The following ABCC9 variants were observed in gnomAD, a reference collection of about 807,000 sequenced individuals.
ABCC9 encodes the protein ATP binding cassette subfamily C member 9, also known as ATP-binding cassette sub-family C member 9.
Under a neutral mutation model 188.3 loss-of-function variants are expected in ABCC9, and 95 were observed. The observed-to-expected ratio is 0.50, with a 90% CI of 0.43 to 0.60. The LOEUF (loss-of-function observed/expected upper bound fraction) is 0.60. ABCC9 is among the 20% of genes least tolerant of loss of function. The pLI, the probability that ABCC9 is intolerant of heterozygous loss-of-function variation, is 0.00. For missense variants in ABCC9, 1,102 were observed against 1,876.3 expected (o/e 0.59, Z 7.62); for synonymous variants, 659 against 652.7 (o/e 1.01, Z -0.15).
At chr12:21,936,914 T>C (rs1949511553) in intron 2 of ABCC9, among the ~76,000 whole-genome samples, 6 of 152,108 alleles carry the variant, frequency 3.9e-5, no homozygotes, top group Admixed American at 3.9e-4. Flanking sequence ...CAGAGAAAAA[T>C]GCTTTCATGT....
intron 30 of ABCC9, chr12:21,831,327 T>A (rs1292436456): frequency 2.0e-5 from 3 of 152,124 alleles, no homozygotes; most frequent in Non-Finnish European, 2.9e-5. Flanking sequence ...TTGTACTTGC[T>A]AGGTACATGT....
At chr12:21,838,266 T>G (rs1944205860) in intron 29 of ABCC9, 96 bp from the exon 30 acceptor site, 8 of 977,452 alleles carry the variant, frequency 8.2e-6, no homozygotes, top group Non-Finnish European at 1.3e-5. Context: ...GTCACTGTAT[T>G]TGTTTTCCTC....
chr12:21,863,660 C>T (rs1945639496), intron 19 of ABCC9, among the ~76,000 whole-genome samples: 1 of 152,066 alleles, frequency 6.6e-6, no homozygotes. Context: ...ACTACCTCCC[C>T]CCTTTTGACT....
At chr12:21,803,446 A>G (rs886465789) in intron 39 of ABCC9, among the ~76,000 whole-genome samples, 1 of 152,008 alleles carries the variant, frequency 6.6e-6, no homozygotes, top group African/African-American at 2.4e-5. Flanking sequence ...TCACAAGGTC[A>G]GGGGTTCAAG....
chr12:21,869,128 G>T (rs917556834), intron 18 of ABCC9, among the ~76,000 whole-genome samples: 2 of 152,118 alleles, frequency 1.3e-5, no homozygotes, highest in African/African-American at 4.8e-5. Context: ...CATTTTTGAA[G>T]AAAACTTCGG....
rs779720018 is a variant in ABCC9 at position 21,912,913 on chromosome 12, G to A, written c.970C>T (p.Arg324Cys). 15 of 1,613,306 alleles carry A rather than the reference G, an allele frequency of 9.3e-6. No homozygotes were observed. In the African/African-American group the frequency reaches 1.2e-4, roughly 13 times the overall value. Residue 324 changes from arginine to cysteine, a missense_variant, in exon 8 of 40, where the codon CGT becomes TGT. Physicochemically the swap from Arg to Cys is radical, Grantham distance 180. This residue lies in a region of ABCC9 where 305 missense variants were observed against 573.0 expected (regional missense o/e 0.53). Coordinates refer to ENST00000261200, the MANE Select transcript of ABCC9 (RefSeq NM_020297.4). ...GPLCISGIVQ[R>C]VNETQNGTNN... The stretch of plus-strand genomic sequence containing the variant: ...GTCCCATTCTGGGTTTCATTCACAC[G>A]CTGAACTATTCCAGAAATACAAAGA...
chr12:21,874,970 C>G (rs1475239719), intron 17 of ABCC9, among the ~76,000 whole-genome samples: 2 of 152,112 alleles, frequency 1.3e-5, no homozygotes, highest in Non-Finnish European at 2.9e-5. Context: ...TGAATAAGTT[C>G]TAGAAATCTG....
chr12:21,854,798 T>C (rs1229715019), intron 22 of ABCC9, among the ~76,000 whole-genome samples: 1 of 152,194 alleles, frequency 6.6e-6, no homozygotes, highest in Non-Finnish European at 1.5e-5. Flanking sequence ...ATGAAATTTC[T>C]TTTAACATAG....
At chr12:21,807,540 CA>C (rs1941942399) in intron 37 of ABCC9, 61 bp from the exon 38 acceptor site, 2 of 1,608,328 alleles carry the variant, frequency 1.2e-6, no homozygotes, top group Non-Finnish European at 1.7e-6. Flanking sequence ...TTACCTTGGA[CA>C]AAATCATGAA....
intron 6 of ABCC9, 121 bp downstream of exon 6, chr12:21,916,814 TTA>T: frequency 1.2e-6 from 1 of 816,396 alleles, no homozygotes; most frequent in Non-Finnish European, 1.8e-6. Context: ...AACTTTATAT[TTA>T]TATATATAAA....
intron 16 of ABCC9, among the ~76,000 whole-genome samples, chr12:21,875,979 G>T (rs1423062514): frequency 6.6e-6 from 1 of 152,126 alleles, no homozygotes; most frequent in South Asian, 2.1e-4. Context: ...AGCTACTCGG[G>T]AGGCTGAGGC....
chr12:21,885,574 G>A (rs1214590983), intron 15 of ABCC9, among the ~76,000 whole-genome samples: 2 of 152,072 alleles, frequency 1.3e-5, no homozygotes, highest in Admixed American at 6.6e-5. Flanking sequence ...CATCCCAAGA[G>A]TGACGAGACT....
At chr12:21,940,861 A>G (rs1053554364) in intron 1 of ABCC9, 36 bp from the exon 2 acceptor site, 2 of 152,216 alleles carry the variant, frequency 1.3e-5, no homozygotes, top group Non-Finnish European at 2.9e-5. Flanking sequence ...AATTAAGCAG[A>G]TAGAAAACTA....
At chr12:21,814,338 C>G (rs1243661203) in intron 35 of ABCC9, among the ~76,000 whole-genome samples, 3 of 152,146 alleles carry the variant, frequency 2.0e-5, no homozygotes, top group Non-Finnish European at 4.4e-5. Flanking sequence ...CTCTTTCTTT[C>G]TCTTGAAATT....
At position 21,815,757 on chromosome 12, in the gene ABCC9, T is replaced by C. The variant is rs1387274139; in HGVS notation, c.4023+6A>G. On this transcript the variant is annotated splice_donor_region_variant and intron_variant, in intron 34 of 39. Transcript: ENST00000261200. ...ATACAACATATCAAATGCAGTGATT[T>C]CATACCTTTTGTCCAGGTTTGATGT... 1 of 1,612,262 alleles carries C rather than the reference T, an allele frequency of 6.2e-7. No individual in the cohort carries two copies. Among genetic ancestry groups the C allele is most frequent in the Non-Finnish European group, 8.5e-7 (1 of 1,179,202 alleles).
chr12:21,836,520 A>G (rs1208282702), intron 30 of ABCC9, among the ~76,000 whole-genome samples: 1 of 152,088 alleles, frequency 6.6e-6, no homozygotes, highest in Non-Finnish European at 1.5e-5. Flanking sequence ...TCATTCAAAG[A>G]TTTGTTATTC....
intron 24 of ABCC9, among the ~76,000 whole-genome samples, chr12:21,849,396 T>C (rs566542483): frequency 6.6e-6 from 1 of 152,300 alleles, no homozygotes; most frequent in South Asian, 2.1e-4. Flanking sequence ...TACAGAGAGT[T>C]TGACCCCAGT....
intron 30 of ABCC9, 137 bp downstream of exon 30, chr12:21,837,941 T>TGGCACACA: frequency 1.3e-6 from 1 of 764,546 alleles, no homozygotes; most frequent in African/African-American, 1.7e-5. Context: ...AAATTTTTCT[T>TGGCACACA]ATTCTTGGTT....
chr12:21,830,506 C>T (rs905559956), intron 30 of ABCC9, among the ~76,000 whole-genome samples: 37 of 152,130 alleles, frequency 2.4e-4, no homozygotes, highest in African/African-American at 8.7e-4. Context: ...CCCCCACTCA[C>T]CTCCCCAATT....
Sources: gnomAD v4.1 joint callset for allele counts (sites outside exome capture counted in the v4.1 genomes callset) on GRCh38, gnomAD v4.1.1 for gene constraint, gnomAD v4.1.1 regional missense constraint, MANE v1.5 for transcripts, NCBI Gene and HGNC (gene_info 2026-07-23, HGNC 2026-07-21) for gene names.